The following ZFP92 variants were observed in gnomAD, a reference collection of about 807,000 sequenced individuals.
ZFP92 encodes ZFP92 zinc finger protein.
A neutral mutation model predicts 7.6 loss-of-function variants in ZFP92; 2 were observed. The ratio of observed to expected loss-of-function variants is 0.26; its 90% confidence interval spans 0.11 to 0.83. ZFP92 has a LOEUF of 0.83. Among genes scored for constraint, ZFP92 ranks in the 40% least tolerant of loss-of-function variants. The probability of loss-of-function intolerance (pLI) is 0.65; values close to 1 mark genes in which losing one functional copy is unlikely to be tolerated. For synonymous variants in ZFP92, 226 were observed against 183.6 expected, an observed-to-expected ratio of 1.23 and a Z score of -1.87; for missense variants, 324 against 408.3, an observed-to-expected ratio of 0.79 and a Z score of 1.78.
chrX:153,420,429 A>G (rs782174859), intron 5 of ZFP92, 97 bp downstream of exon 5: 2 of 930,794 alleles, frequency 2.1e-6, no homozygotes, highest in African/African-American at 4.0e-5. Context: ...TTGGGTGGGA[A>G]ATCCTCTTTG....
At position 153,423,469 on chromosome X, in the gene ZFP92, T is replaced by C. The variant is rs1556975874; in HGVS notation, c.*1841T>C. On this transcript the variant is annotated 3_prime_UTR_variant, in exon 6 of 6. Transcript: ENST00000338647. ...GTTTTATGAAAACTTCTAGAGTTCT[T>C]GTAAGTTGCACTTATACCGTAGCCT... is the stretch of plus-strand genomic sequence containing the variant. 8.9e-6 allele frequency: 1 copy of C among 111,790 alleles called. No homozygotes were observed. The highest frequency in any genetic ancestry group is 1.9e-5 in the Non-Finnish European group (1 of 53,138). 9.2% of individuals were successfully genotyped at this position (111,790 alleles called of 1,213,427 possible).
rs1772802285 is a variant in ZFP92, at chrX:153,422,799, T to A, written c.*1171T>A. 3 of 112,459 alleles carry A rather than the reference T, an allele frequency of 2.7e-5. No individual in the cohort carries two copies. The Admixed American group carries it at 2.8e-4, about 10-fold the overall frequency. The allele number at this position is 112,459 out of a possible 1,213,427, so 9.3% of individuals were successfully genotyped here. Reference sequence around the variant, plus strand: ...TGTTTTTGTATTCAGGGGTAATGTATATTGAAAATAGAGATTTTGCCATAT... The same window carrying A: ...TGTTTTTGTATTCAGGGGTAATGTAAATTGAAAATAGAGATTTTGCCATAT... On this transcript the variant is annotated 3_prime_UTR_variant, in exon 6 of 6. Transcript: ENST00000338647.
intron 2 of ZFP92, among the ~76,000 whole-genome samples, chrX:153,413,596 C>T (rs782305710): frequency 7.3e-5 from 8 of 109,891 alleles, no homozygotes; most frequent in Non-Finnish European, 1.1e-4. Context: ...TGCTGTGCCT[C>T]GGGGAAGCCT....
chrX:153,417,967 C>T (rs2088966946), intron 2 of ZFP92, among the ~76,000 whole-genome samples: 1 of 112,099 alleles, frequency 8.9e-6, no homozygotes, highest in Non-Finnish European at 1.9e-5. Context: ...AGAAGGATTG[C>T]TGGAAACCAC....
Position 153,423,422 on chromosome X carries a change from A to G in ZFP92, c.*1794A>G. 9.0e-6 allele frequency: 1 copy of G among 111,080 alleles called. No individual in the cohort carries two copies. The highest frequency in any genetic ancestry group is 1.9e-5 in the Non-Finnish European group (1 of 52,970). The allele number at this position is 111,080 out of a possible 1,213,427, so 9.2% of individuals were successfully genotyped here. On this transcript the variant is annotated 3_prime_UTR_variant, in exon 6 of 6. Coordinates refer to ENST00000338647, the MANE Select transcript of ZFP92 (RefSeq NM_001136273.2). ...CACACACACACACACACACACACAC[A>G]CACACACACACGATATATATAGTTT... is the stretch of plus-strand genomic sequence containing the variant.
At chrX:153,418,149 G>A (rs1213687827) in intron 2 of ZFP92, among the ~76,000 whole-genome samples, 156 bp from the exon 3 acceptor site, 1 of 112,257 alleles carries the variant, frequency 8.9e-6, no homozygotes, top group Non-Finnish European at 1.9e-5. Context: ...AGGTCTGATG[G>A]TGAGGGGCCC....
At chrX:153,412,326 T>C (rs887658717) in intron 2 of ZFP92, among the ~76,000 whole-genome samples, 2 of 112,208 alleles carry the variant, frequency 1.8e-5, no homozygotes, top group African/African-American at 6.5e-5. Context: ...ACCCAGCGCT[T>C]CCCTACAGGG....
intron 2 of ZFP92, among the ~76,000 whole-genome samples, chrX:153,416,537 C>G (rs1291448530): frequency 2.7e-5 from 3 of 111,423 alleles, no homozygotes; most frequent in African/African-American, 9.8e-5. Context: ...TGTGCCCTCT[C>G]CCTCTCTCCT....
chrX:153,411,877 C>T (rs1024208677), intron 1 of ZFP92, among the ~76,000 whole-genome samples, 88 bp from the exon 2 acceptor site: 16 of 293 alleles, frequency 0.055, no homozygotes, highest in African/African-American at 0.2. Flanking sequence ...CCGCCCCGTA[C>T]CAGGGGCGCC....
chrX:153,422,125 AT>A lies in ZFP92; in HGVS notation c.*500del, dbSNP rs2089010037. The A allele has an allele frequency of 8.9e-6, 1 of 112,407 alleles. No homozygotes were observed. The highest frequency in any genetic ancestry group is 3.2e-5 in the African/African-American group (1 of 30,793). 9.3% of individuals were successfully genotyped at this position (112,407 alleles called of 1,213,427 possible). A position where few individuals can be genotyped will look rare whatever the true frequency, so the allele number is the denominator to read the frequency against. On this transcript the variant is annotated 3_prime_UTR_variant, in exon 6 of 6. Transcript: ENST00000338647. ...GCTTTGAGTTACAGAAGAGTGGTGC[AT>A]TTCCTCCCTGGGGGTCGTTCCCCTC... is the stretch of plus-strand genomic sequence containing the variant.
chrX:153,420,368 G>A, intron 5 of ZFP92, 36 bp downstream of exon 5: 1 of 1,027,206 alleles, frequency 9.7e-7, no homozygotes, highest in Non-Finnish European at 1.3e-6. Flanking sequence ...CCCCATCGGG[G>A]TAAAAAGAAA....
At position 153,420,281 on chromosome X, in the gene ZFP92, C is replaced by T; in HGVS notation, c.214C>T (p.Pro72Ser). Residue 72 changes from proline to serine, a missense_variant, in exon 5 of 6, where the codon CCC becomes TCC. Transcript: ENST00000338647. ...LISQLERGEG[P>S]WVADIPRTWA... is the part of the protein sequence containing the mutation. ...CTCCCAATTGGAACGAGGGGAAGGA[C>T]CCTGGGTAGCAGACATCCCCAGAAC... is the stretch of plus-strand genomic sequence containing the variant. 1 of 1,167,864 alleles carries T rather than the reference C, an allele frequency of 8.6e-7. No individual in the cohort carries two copies. The highest frequency in any genetic ancestry group is 1.1e-6 in the Non-Finnish European group (1 of 872,971).
chrX:153,418,205 T>C, intron 2 of ZFP92, 100 bp from the exon 3 acceptor site: 1 of 975,748 alleles, frequency 1.0e-6, no homozygotes. Context: ...GCCGCTGTGC[T>C]TATTTCACAA....
Position 153,423,542 on chromosome X carries a change from C to T in ZFP92, c.*1914C>T, listed in dbSNP as rs2089022510. 8.9e-6 allele frequency: 1 copy of T among 112,373 alleles called. No homozygotes were observed. The highest frequency in any genetic ancestry group is 9.4e-5 in the Admixed American group (1 of 10,656). 9.3% of individuals were successfully genotyped at this position (112,373 alleles called of 1,213,427 possible). A position where few individuals can be genotyped will look rare whatever the true frequency, so the allele number is the denominator to read the frequency against. On this transcript the variant is annotated 3_prime_UTR_variant, in exon 6 of 6. Coordinates refer to ENST00000338647, the MANE Select transcript of ZFP92 (RefSeq NM_001136273.2). Reference sequence around the variant, plus strand: ...CATCCTGTGATTGCGTTCTTGTCTGCAAGCTGGTCTCATAAGCCCACAAGT... The same window carrying T: ...CATCCTGTGATTGCGTTCTTGTCTGTAAGCTGGTCTCATAAGCCCACAAGT...
At position 153,422,299 on chromosome X, in the gene ZFP92, A is replaced by G. The variant is rs1361912327; in HGVS notation, c.*671A>G. 1 of 112,042 alleles carries G rather than the reference A, an allele frequency of 8.9e-6. No homozygotes were observed. Among genetic ancestry groups the G allele is most frequent in the Non-Finnish European group, 1.9e-5 (1 of 53,143 alleles). 9.2% of individuals were successfully genotyped at this position (112,042 alleles called of 1,213,427 possible). ...TTGGCATAGGATGGGGGGCTGTGCC[A>G]GAAAACTCCCGCCTTGTCTGGGTGG... On this transcript the variant is annotated 3_prime_UTR_variant, in exon 6 of 6. Transcript: ENST00000338647.
At chrX:153,416,218 G>T (rs1556973718) in intron 2 of ZFP92, among the ~76,000 whole-genome samples, 1 of 111,410 alleles carries the variant, frequency 9.0e-6, no homozygotes, top group African/African-American at 3.3e-5. Flanking sequence ...ATATGGCTTT[G>T]GTAGGATACC....
intron 2 of ZFP92, among the ~76,000 whole-genome samples, chrX:153,416,249 C>T (rs2088950383): frequency 9.0e-6 from 1 of 111,591 alleles, no homozygotes; most frequent in African/African-American, 3.3e-5. Flanking sequence ...ATCCTGGCAG[C>T]AGGACTGTCC....
At chrX:153,413,963 G>A (rs1035926720) in intron 2 of ZFP92, among the ~76,000 whole-genome samples, 10 of 112,456 alleles carry the variant, frequency 8.9e-5, no homozygotes, top group Admixed American at 2.8e-4. Context: ...GCCTCCCGCC[G>A]ATGGGGTGTT....
In ZFP92 at chrX:153,424,434, G is replaced by C. The variant is rs1196080745; in HGVS notation, c.*2806G>C. On this transcript the variant is annotated 3_prime_UTR_variant, in exon 6 of 6. Transcript: ENST00000338647. ...CGGGTTTCACATGGAATCAAAGTCA[G>C]AATGTTCGAAAAGGACATTTGTGTT... is the stretch of plus-strand genomic sequence containing the variant. 3 of 112,430 alleles carry C rather than the reference G, an allele frequency of 2.7e-5. No homozygotes were observed. The highest frequency in any genetic ancestry group is 9.7e-5 in the African/African-American group (3 of 30,902). 9.3% of individuals were successfully genotyped at this position (112,430 alleles called of 1,213,427 possible). A position where few individuals can be genotyped will look rare whatever the true frequency, so the allele number is the denominator to read the frequency against.
Sources: allele counts gnomAD v4.1 joint callset (sites outside exome capture counted in the v4.1 genomes callset), GRCh38; gene constraint gnomAD v4.1.1; transcripts MANE v1.5; gene names NCBI Gene and HGNC (gene_info 2026-07-23, HGNC 2026-07-21).